The following IHO1 variants were observed in gnomAD, a reference collection of about 807,000 sequenced individuals.
The protein encoded by IHO1 is interactor of HORMAD1 protein 1.
A neutral mutation model predicts 31.0 loss-of-function variants in IHO1; 13 were observed. That is an observed-to-expected ratio of 0.42 (90% CI 0.27 to 0.67). The LOEUF (loss-of-function observed/expected upper bound fraction) is 0.67. Ranked by LOEUF, IHO1 falls within the 30% of genes least tolerant of loss-of-function variation. IHO1 has a pLI of 0.24. For missense variants in IHO1, 599 were observed against 687.5 expected, an observed-to-expected ratio of 0.87 and a Z score of 1.44; for synonymous variants, 221 against 248.4, an observed-to-expected ratio of 0.89 and a Z score of 1.04.
intron 1 of IHO1, among the ~76,000 whole-genome samples, chr3:49,207,483 A>G (rs2107682474): frequency 6.6e-6 from 1 of 151,984 alleles, no homozygotes; most frequent in Admixed American, 6.6e-5. Context: ...TGACCTTGTG[A>G]TCTGCCCACC....
At chr3:49,236,021 A>C (rs1575580844) in intron 2 of IHO1, among the ~76,000 whole-genome samples, 1 of 151,356 alleles carries the variant, frequency 6.6e-6, no homozygotes, top group African/African-American at 2.4e-5. Flanking sequence ...TGGGCGAATC[A>C]CCTGAGGTCA....
chr3:49,235,147 C>A (rs1395443370), intron 2 of IHO1, among the ~76,000 whole-genome samples: 2 of 151,764 alleles, frequency 1.3e-5, no homozygotes, highest in African/African-American at 4.8e-5. Context: ...CGTGCCTGGC[C>A]AAGTTCATCC....
At chr3:49,225,473 AAAG>A (rs1380596771) in intron 2 of IHO1, among the ~76,000 whole-genome samples, 1 of 152,188 alleles carries the variant, frequency 6.6e-6, no homozygotes, top group African/African-American at 2.4e-5. Flanking sequence ...AAAAAAAAAA[AAAG>A]AAAAGTTTTG....
At chr3:49,224,223 G>A (rs943488628) in intron 2 of IHO1, among the ~76,000 whole-genome samples, 1 of 152,220 alleles carries the variant, frequency 6.6e-6, no homozygotes, top group African/African-American at 2.4e-5. Context: ...GAATACTGGG[G>A]CTTAATCTCG....
Position 49,257,683 on chromosome 3 carries a change from A to C in IHO1, c.*401A>C, listed in dbSNP as rs2046841779. ...CAAACAACATTTTTGGGTCTTTAAA[A>C]TATTCCCTACACATGACCAATACAT... On this transcript the variant is annotated 3_prime_UTR_variant, in exon 8 of 8. Coordinates refer to ENST00000452691, the MANE Select transcript of IHO1 (RefSeq NM_001135197.2). The C allele has an allele frequency of 5.7e-6, 1 of 175,366 alleles. No homozygotes were observed. The highest frequency in any genetic ancestry group is 2.4e-5 in the African/African-American group (1 of 41,742). 10.9% of individuals were successfully genotyped at this position (175,366 alleles called of 1,614,324 possible).
intron 1 of IHO1, among the ~76,000 whole-genome samples, chr3:49,210,044 T>C (rs1371173900): frequency 6.7e-6 from 1 of 150,296 alleles, no homozygotes; most frequent in Non-Finnish European, 1.5e-5. Flanking sequence ...TTTTTTTTTT[T>C]AAGAGACAGG....
chr3:49,233,008 G>T (rs574351325), intron 2 of IHO1, among the ~76,000 whole-genome samples: 1 of 152,174 alleles, frequency 6.6e-6, no homozygotes, highest in South Asian at 2.1e-4. Context: ...AAACAGAATT[G>T]GACCTGGTCA....
intron 1 of IHO1, among the ~76,000 whole-genome samples, chr3:49,205,520 C>G (rs937928795): frequency 1.3e-5 from 2 of 151,724 alleles, no homozygotes; most frequent in Non-Finnish European, 2.9e-5. Flanking sequence ...GGGGTTCCAC[C>G]ATGTTGACCA....
At chr3:49,197,966 C>T (rs1317076842), upstream of IHO1, among the ~76,000 whole-genome samples, 1 of 152,058 alleles carries the variant, frequency 6.6e-6, no homozygotes, top group Non-Finnish European at 1.5e-5. Flanking sequence ...TTCCTTATGG[C>T]ACTCATTTGC....
At chr3:49,227,421 C>A (rs2046430248) in intron 2 of IHO1, among the ~76,000 whole-genome samples, 1 of 152,150 alleles carries the variant, frequency 6.6e-6, no homozygotes, top group Non-Finnish European at 1.5e-5. Flanking sequence ...TTTCTACCCC[C>A]AGTCCAAGAA....
chr3:49,196,972 G>T (rs563328480), upstream of IHO1, among the ~76,000 whole-genome samples: 800 of 118,260 alleles, frequency 6.8e-3, 7 homozygotes, highest in African/African-American at 0.024. Flanking sequence ...GCCAGGCCAC[G>T]TTTTTACTTT....
At chr3:49,191,855 A>AT in the IHO1 span, 1 of 1,370,444 alleles carries the variant, frequency 7.3e-7, no homozygotes, top group Non-Finnish European at 1.0e-6. Flanking sequence ...CTGGAGGTCA[A>AT]TTTTTTGTTG....
chr3:49,211,130 C>T (rs905627876), intron 1 of IHO1, among the ~76,000 whole-genome samples: 2 of 151,630 alleles, frequency 1.3e-5, no homozygotes, highest in South Asian at 2.1e-4. Context: ...GCCCCGGCCT[C>T]CTGAGTAGGT....
chr3:49,222,564 T>A (rs2046365923), intron 2 of IHO1, among the ~76,000 whole-genome samples: 1 of 152,188 alleles, frequency 6.6e-6, no homozygotes, highest in Non-Finnish European at 1.5e-5. Context: ...TAGTATGTAG[T>A]CCTATCGTAA....
chr3:49,225,203 C>T (rs1397440268), intron 2 of IHO1, among the ~76,000 whole-genome samples: 2 of 152,330 alleles, frequency 1.3e-5, no homozygotes, highest in South Asian at 2.1e-4. Context: ...CAGTGGCTCA[C>T]GCCTGTAATC....
Position 49,257,700 on chromosome 3 carries a change from C to T in IHO1, c.*418C>T, listed in dbSNP as rs2046841958. On this transcript the variant is annotated 3_prime_UTR_variant, in exon 8 of 8. Transcript: ENST00000452691. ...TCTTTAAAATATTCCCTACACATGA[C>T]CAATACATTTTCAGGCCTCAGGATT... 1 of 160,870 alleles carries T rather than the reference C, an allele frequency of 6.2e-6. No homozygotes were observed. Among genetic ancestry groups the T allele is most frequent in the Admixed American group, 6.1e-5 (1 of 16,440 alleles). The allele number at this position is 160,870 out of a possible 1,614,324, so 10.0% of individuals were successfully genotyped here. A position where few individuals can be genotyped will look rare whatever the true frequency, so the allele number is the denominator to read the frequency against.
Position 49,244,412 on chromosome 3 carries a change from T to A in IHO1, c.404T>A (p.Leu135Gln), listed in dbSNP as rs750585808. 2 of 1,551,380 alleles carry A rather than the reference T, an allele frequency of 1.3e-6. No individual in the cohort carries two copies. Among genetic ancestry groups the A allele is most frequent in the Non-Finnish European group, 1.8e-6 (2 of 1,133,530 alleles). The change falls in exon 5 of 8, where the codon CTA becomes CAA. Residue 135 changes from leucine to glutamine, a missense_variant. Physicochemically the swap from Leu to Gln is moderately radical, Grantham distance 113 (BLOSUM62 -2). Transcript: ENST00000452691. ...TTTCCCTCCTATTCTAGTGAGACTCTATACAACTTTGTTTCTAATGTTAGA... is the reference window on the plus strand; with the variant it reads ...TTTCCCTCCTATTCTAGTGAGACTCAATACAACTTTGTTTCTAATGTTAGA... ...RAKDKCDSET[L>Q]YNFVSNVRES...
chr3:49,245,787 G>A (rs757046153), intron 6 of IHO1: 2 of 152,106 alleles, frequency 1.3e-5, no homozygotes, highest in Non-Finnish European at 1.5e-5. Context: ...ATGCCTTTTT[G>A]TGGCCTAAAA....
intron 6 of IHO1, among the ~76,000 whole-genome samples, chr3:49,253,828 C>CTTTTTTTTTTTT (rs139087366): frequency 1.1e-4 from 8 of 72,238 alleles, no homozygotes; most frequent in Admixed American, 4.0e-4. Context: ...CTTTATTTGT[C>CTTTTTTTTTTTT]TTTTTTTTTT....
Sources: gnomAD v4.1 joint callset for allele counts (sites outside exome capture counted in the v4.1 genomes callset) on GRCh38, gnomAD v4.1.1 for gene constraint, MANE v1.5 for transcripts, NCBI Gene and HGNC (gene_info 2026-07-23, HGNC 2026-07-21) for gene names.